The following LRP1B variants were observed in gnomAD, a reference collection of about 807,000 sequenced individuals.
LRP1B encodes the protein low-density lipoprotein receptor-related protein 1B.
Under a neutral mutation model 556.6 loss-of-function variants are expected in LRP1B, and 217 were observed. The observed-to-expected ratio is 0.39, with a 90% CI of 0.35 to 0.44. The LOEUF (loss-of-function observed/expected upper bound fraction) is 0.44, where lower values mean the gene tolerates loss of function less well. LRP1B is among the 20% of genes least tolerant of loss of function. LRP1B has a pLI of 1.00. For missense variants in LRP1B, 5,053 were observed against 5,620.8 expected, an observed-to-expected ratio of 0.90 and a Z score of 3.23; for synonymous variants, 2,047 against 1,865.8, an observed-to-expected ratio of 1.10 and a Z score of -2.50.
At chr2:141,733,355 G>A (rs754795380) in intron 2 of LRP1B, among the ~76,000 whole-genome samples, 1 of 151,994 alleles carries the variant, frequency 6.6e-6, no homozygotes, top group Non-Finnish European at 1.5e-5. Context: ...CAATCCTGTA[G>A]ACTTTCATTA....
At chr2:141,782,986 A>G (rs1239025867) in intron 2 of LRP1B, among the ~76,000 whole-genome samples, 1 of 152,112 alleles carries the variant, frequency 6.6e-6, no homozygotes, top group East Asian at 1.9e-4. Context: ...AAACAATCAT[A>G]GAATCAGAGA....
intron 1 of LRP1B, among the ~76,000 whole-genome samples, chr2:141,918,907 A>C (rs1448275513): frequency 6.6e-6 from 1 of 152,116 alleles, no homozygotes; most frequent in Non-Finnish European, 1.5e-5. Flanking sequence ...CTCTAATGAG[A>C]CTGTCACCCA....
At chr2:140,262,950 T>C (rs190489098) in intron 86 of LRP1B, among the ~76,000 whole-genome samples, 1 of 152,292 alleles carries the variant, frequency 6.6e-6, no homozygotes. Context: ...TGTTTTCTTT[T>C]TGAGACAACA....
At chr2:141,758,036 G>A (rs1694386217) in intron 2 of LRP1B, among the ~76,000 whole-genome samples, 1 of 152,164 alleles carries the variant, frequency 6.6e-6, no homozygotes, top group South Asian at 2.1e-4. Flanking sequence ...AACAGGTTAT[G>A]CGTAGCTGCA....
chr2:141,468,850 C>T (rs1314020968), intron 3 of LRP1B, among the ~76,000 whole-genome samples: 1 of 152,150 alleles, frequency 6.6e-6, no homozygotes, highest in Non-Finnish European at 1.5e-5. Context: ...TTGTCCTTCC[C>T]ATTCTCCTTG....
chr2:140,604,228 GAAA>G (rs67568538), intron 41 of LRP1B, among the ~76,000 whole-genome samples: 4 of 136,748 alleles, frequency 2.9e-5, no homozygotes, highest in Admixed American at 7.5e-5. Context: ...CACTTGCCAA[GAAA>G]AAAAAAAAAA....
chr2:140,729,897 A>T (rs1020779258), intron 35 of LRP1B, among the ~76,000 whole-genome samples: 1 of 152,210 alleles, frequency 6.6e-6, no homozygotes, highest in African/African-American at 2.4e-5. Flanking sequence ...ACAATAAAAA[A>T]GTTCAGATTC....
rs1399647352 is a variant in LRP1B, at chr2:141,342,144, T to G, written c.344-87503A>C. On this transcript the variant is annotated intron_variant, in intron 3 of 90. Coordinates refer to ENST00000389484, the MANE Select transcript of LRP1B (RefSeq NM_018557.3). Reference sequence around the variant, plus strand: ...CTGTAGTCCTAGCTACTTGGGAGGCTGAGGCAGGAGAATGGCGTGAACTTG... The same window carrying G: ...CTGTAGTCCTAGCTACTTGGGAGGCGGAGGCAGGAGAATGGCGTGAACTTG... Among the ~76,000 whole-genome samples the G allele has an allele frequency of 3.3e-4, 49 of 150,454 alleles. 1 individual carries two copies. Among genetic ancestry groups the G allele is most frequent in the Admixed American group, 3.2e-3 (49 of 15,078 alleles).
intron 87 of LRP1B, among the ~76,000 whole-genome samples, chr2:140,241,157 T>C (rs1258971822): frequency 1.3e-5 from 2 of 150,906 alleles, no homozygotes; most frequent in African/African-American, 4.8e-5. Flanking sequence ...CTATATTACC[T>C]CCTTTGTTTT....
At chr2:140,785,330 T>C (rs1412733913) in intron 32 of LRP1B, among the ~76,000 whole-genome samples, 4 of 152,072 alleles carry the variant, frequency 2.6e-5, no homozygotes, top group African/African-American at 9.7e-5. Context: ...GTATATGATA[T>C]ATAGGAAATT....
At chr2:140,737,009 C>T (rs1241044155) in intron 35 of LRP1B, among the ~76,000 whole-genome samples, 1 of 152,124 alleles carries the variant, frequency 6.6e-6, no homozygotes, top group Non-Finnish European at 1.5e-5. Flanking sequence ...AATACATTGG[C>T]AGCCAAACAA....
chr2:140,779,889 G>A (rs926530679), intron 32 of LRP1B, among the ~76,000 whole-genome samples: 1 of 151,496 alleles, frequency 6.6e-6, no homozygotes, highest in Non-Finnish European at 1.5e-5. Flanking sequence ...AATAAGTCAA[G>A]ATAATGAGAA....
At chr2:141,910,098 G>A (rs762064019) in intron 1 of LRP1B, among the ~76,000 whole-genome samples, 20 of 139,150 alleles carry the variant, frequency 1.4e-4, no homozygotes, top group Admixed American at 6.2e-4. Context: ...CGTAGATCAC[G>A]CCACTGCACT....
chr2:141,252,576 T>G (rs754000168), intron 4 of LRP1B, among the ~76,000 whole-genome samples: 36 of 152,150 alleles, frequency 2.4e-4, no homozygotes, highest in Non-Finnish European at 5.1e-4. Flanking sequence ...CAGTAATAAT[T>G]CTTATCTATT....
intron 35 of LRP1B, among the ~76,000 whole-genome samples, chr2:140,759,564 T>C (rs910559834): frequency 5.3e-5 from 8 of 152,206 alleles, no homozygotes; most frequent in African/African-American, 1.9e-4. Flanking sequence ...TAGTGTGTAA[T>C]GGGAGACTGC....
intron 43 of LRP1B, among the ~76,000 whole-genome samples, chr2:140,548,331 A>C (rs1041535055): frequency 1.3e-5 from 2 of 152,174 alleles, no homozygotes; most frequent in African/African-American, 4.8e-5. Context: ...TTTTACTAAT[A>C]AACTGTGAGG....
intron 47 of LRP1B, among the ~76,000 whole-genome samples, chr2:140,533,508 T>C (rs1690812248): frequency 6.6e-6 from 1 of 152,024 alleles, no homozygotes; most frequent in South Asian, 2.1e-4. Flanking sequence ...CTGGAAAAAG[T>C]ATAGGCAGGG....
chr2:141,058,625 C>T (rs914740097), intron 9 of LRP1B, among the ~76,000 whole-genome samples: 2 of 151,820 alleles, frequency 1.3e-5, no homozygotes, highest in Non-Finnish European at 1.5e-5. Context: ...ACATTCATCA[C>T]GACTGAAAGC....
intron 1 of LRP1B, among the ~76,000 whole-genome samples, chr2:141,890,383 C>T (rs1025279344): frequency 0.17 from 8,934 of 52,268 alleles, 1,240 homozygotes; most frequent in African/African-American, 0.38. Flanking sequence ...AGTGTGTATA[C>T]ATATATAGTG....
Sources: gnomAD v4.1 joint callset for allele counts (sites outside exome capture counted in the v4.1 genomes callset) on GRCh38, gnomAD v4.1.1 for gene constraint, MANE v1.5 for transcripts, NCBI Gene and HGNC (gene_info 2026-07-23, HGNC 2026-07-21) for gene names.